The following PCNX1 variants were observed in gnomAD, a reference collection of about 807,000 sequenced individuals.
PCNX1 encodes pecanex-like protein 1.
In PCNX1, 78 loss-of-function variants were observed where a neutral mutation model predicts 242.2. That is an observed-to-expected ratio of 0.32 (90% CI 0.27 to 0.39). The LOEUF is 0.39. Ranked by LOEUF, PCNX1 falls within the 10% of genes least tolerant of loss-of-function variation. PCNX1 has a pLI of 1.00. For synonymous variants in PCNX1, 1,024 were observed against 1,032.9 expected (o/e 0.99, Z 0.17); for missense variants, 2,581 against 2,856.5 (o/e 0.90, Z 2.20).
In PCNX1 at chr14:71,009,695, A is replaced by T. The variant is rs113071833; in HGVS notation, c.2691A>T (p.Glu897Asp). ...GTGATATGTCACTTGTGAATTTTGA[A>T]CCAGCAGCAAGAAGAGCATCCAATA... ...GGCDMSLVNF[E>D]PAARRASNIC... The change falls in exon 9 of 36, where the codon GAA becomes GAT. Residue 897 changes from glutamate to aspartate, a missense_variant. This residue lies in a region of PCNX1 where 1,204 missense variants were observed against 1,216.7 expected (regional missense o/e 0.99). Transcript: ENST00000304743. 1 of 1,602,542 alleles carries T rather than the reference A, an allele frequency of 6.2e-7. No individual in the cohort carries two copies. The highest frequency in any genetic ancestry group is 8.5e-7 in the Non-Finnish European group (1 of 1,171,750).
At position 71,090,641 on chromosome 14, in the gene PCNX1, A is replaced by G. The variant is rs376777869; in HGVS notation, c.5589+1299A>G. 3.3e-5 allele frequency among the ~76,000 whole-genome samples: 5 copies of G among 152,228 alleles called. No homozygotes were observed. In the East Asian group the frequency reaches 7.7e-4, roughly 23 times the overall value. ...TTGAGACAAAATTCAGTGCATTTCAAAAAAAGGTAATTCTTCAGATTAAAA... is the reference window on the plus strand; with the variant it reads ...TTGAGACAAAATTCAGTGCATTTCAGAAAAAGGTAATTCTTCAGATTAAAA... On this transcript the variant is annotated intron_variant, in intron 30 of 35. Transcript: ENST00000304743.
intron 11 of PCNX1, among the ~76,000 whole-genome samples, chr14:71,015,766 A>G (rs1037510528): frequency 2.0e-5 from 3 of 152,254 alleles, no homozygotes; most frequent in Non-Finnish European, 4.4e-5. Context: ...AAGGTGGAAA[A>G]AGATCAAAGA....
At chr14:70,988,938 C>T (rs982843290) in intron 7 of PCNX1, among the ~76,000 whole-genome samples, 2 of 151,418 alleles carry the variant, frequency 1.3e-5, no homozygotes, top group Non-Finnish European at 2.9e-5. Flanking sequence ...AATTTTAAAT[C>T]ACTTGAGGGC....
chr14:70,995,946 C>T (rs1158675005), intron 8 of PCNX1, 21 bp downstream of exon 8: 3 of 1,584,580 alleles, frequency 1.9e-6, no homozygotes, highest in Admixed American at 3.3e-5. Flanking sequence ...CTTATGTAAT[C>T]TTGATGATAC....
chr14:71,097,701 T>A (rs1485487415), intron 30 of PCNX1, among the ~76,000 whole-genome samples: 2 of 152,206 alleles, frequency 1.3e-5, no homozygotes, highest in East Asian at 3.8e-4. Context: ...GATGCATAGT[T>A]TGTGAATAGT....
Position 71,088,252 on chromosome 14 carries a change from C to T in PCNX1, c.5338-78C>T, listed in dbSNP as rs150895257. 9.5e-5 allele frequency: 69 copies of T among 726,602 alleles called. No homozygotes were observed. In the East Asian group the frequency reaches 1.5e-3, roughly 16 times the overall value. The allele number at this position is 726,602 out of a possible 1,614,324, so 45.0% of individuals were successfully genotyped here. On this transcript the variant is annotated intron_variant, in intron 28 of 35. Transcript: ENST00000304743. ...GTACTCTTTGAATTCTTTATCATTT[C>T]GCTATATTATTTCGATTTATGATTT...
At chr14:71,105,490 G>A (rs1055012548) in intron 33 of PCNX1, 50 bp downstream of exon 33, 16 of 1,380,398 alleles carry the variant, frequency 1.2e-5, no homozygotes, top group Non-Finnish European at 1.5e-5. Context: ...TAGCCATAGA[G>A]GCTGGTTAGT....
Position 71,036,146 on chromosome 14 carries a change from A to C in PCNX1, c.3856A>C (p.Thr1286Pro), listed in dbSNP as rs1354256687. Residue 1286 changes from threonine to proline, a missense_variant, in exon 19 of 36, where the codon ACA (threonine) becomes CCA (proline). Transcript: ENST00000304743. ...TGCTATTCATGTAAGCACAGTCTTC[A>C]CAGTATTGCAGGTAAGGAATCATTT... The part of the protein sequence containing the change: ...YFAIHVSTVF[T>P]VLQPALKYVL... 1 of 1,583,450 alleles carries C rather than the reference A, an allele frequency of 6.3e-7. No individual in the cohort carries two copies. The highest frequency in any genetic ancestry group is 8.7e-7 in the Non-Finnish European group (1 of 1,152,108).
intron 1 of PCNX1, among the ~76,000 whole-genome samples, chr14:70,940,895 C>A (rs1017761279): frequency 1.3e-5 from 2 of 152,148 alleles, no homozygotes; most frequent in Admixed American, 1.3e-4. Flanking sequence ...CACTGATACC[C>A]TTTCTTCCAC....
intron 1 of PCNX1, among the ~76,000 whole-genome samples, chr14:70,915,581 A>T (rs1347615428): frequency 6.6e-6 from 1 of 152,172 alleles, no homozygotes; most frequent in Non-Finnish European, 1.5e-5. Context: ...TGGCTTTTTA[A>T]TAGCTCTGCA....
chr14:70,996,608 T>C (rs747884759), intron 8 of PCNX1, among the ~76,000 whole-genome samples: 2 of 152,184 alleles, frequency 1.3e-5, no homozygotes, highest in African/African-American at 4.8e-5. Flanking sequence ...TGATACTTTA[T>C]GTTACTTTGG....
At chr14:70,972,465 G>A (rs576349522) in intron 5 of PCNX1, among the ~76,000 whole-genome samples, 1 of 152,298 alleles carries the variant, frequency 6.6e-6, no homozygotes, top group African/African-American at 2.4e-5. Context: ...TTATTAAGTT[G>A]ATGAAGTATC....
chr14:71,110,217 T>G lies in PCNX1; in HGVS notation c.*282T>G, dbSNP rs981475675. On this transcript the variant is annotated 3_prime_UTR_variant, in exon 36 of 36. Transcript: ENST00000304743. ...TGTTAAAATACATCCTTAAAAAAAG[T>G]TTTTCCTATGCATTGCCTATGCTTT... 11 of 423,230 alleles carry G rather than the reference T, an allele frequency of 2.6e-5. No homozygotes were observed. Among genetic ancestry groups the G allele is most frequent in the Non-Finnish European group, 4.4e-5 (10 of 227,906 alleles). 26.2% of individuals were successfully genotyped at this position (423,230 alleles called of 1,614,324 possible). A position where few individuals can be genotyped will look rare whatever the true frequency, so the allele number is the denominator to read the frequency against.
chr14:71,103,763 T>C, intron 32 of PCNX1, 94 bp downstream of exon 32: 1 of 1,135,796 alleles, frequency 8.8e-7, no homozygotes, highest in South Asian at 1.4e-5. Flanking sequence ...TAGAAAAAAT[T>C]ACAGGTGCCA....
intron 12 of PCNX1, among the ~76,000 whole-genome samples, chr14:71,021,159 T>C (rs1023598642): frequency 1.3e-5 from 2 of 152,238 alleles, no homozygotes; most frequent in Non-Finnish European, 2.9e-5. Context: ...TTTTGGTTAC[T>C]GTAGCCTTGT....
intron 34 of PCNX1, 83 bp from the exon 35 acceptor site, chr14:71,109,369 G>C: frequency 8.0e-7 from 1 of 1,247,294 alleles, no homozygotes; most frequent in Non-Finnish European, 1.1e-6. Context: ...ATTCCTCTCT[G>C]TGAAAAGCAT....
At chr14:70,921,920 A>G (rs2056392908) in intron 1 of PCNX1, among the ~76,000 whole-genome samples, 1 of 152,166 alleles carries the variant, frequency 6.6e-6, no homozygotes, top group African/African-American at 2.4e-5. Context: ...CTATTGGTAC[A>G]TTTGGAGGGG....
Position 71,026,230 on chromosome 14 carries a change from A to T in PCNX1, c.3297A>T (p.Leu1099Phe). 1 of 1,612,238 alleles carries T rather than the reference A, an allele frequency of 6.2e-7. No homozygotes were observed. The highest frequency in any genetic ancestry group is 8.5e-7 in the Non-Finnish European group (1 of 1,178,936). ...SRNLTATKFK[L>F]YGITFTNPLV... ...ACCTGACTGCAACCAAGTTCAAATT[A>T]TATGGAATAACTTTCACCAATCCAC... is the stretch of plus-strand genomic sequence containing the variant. Residue 1099 changes from leucine (L) to phenylalanine (F), a missense_variant, in exon 14 of 36, where the codon TTA (leucine) becomes TTT (phenylalanine). Coordinates refer to ENST00000304743, the MANE Select transcript of PCNX1 (RefSeq NM_014982.3).
At chr14:70,957,843 TAG>T (rs55860498) in intron 2 of PCNX1, among the ~76,000 whole-genome samples, 37,460 of 150,588 alleles carry the variant, frequency 0.25, 5,938 homozygotes, top group Non-Finnish European at 0.35. Flanking sequence ...TGTATATATA[TAG>T]AGAGAGAGAG....
Sources: gnomAD v4.1 joint callset for allele counts (sites outside exome capture counted in the v4.1 genomes callset) on GRCh38, gnomAD v4.1.1 for gene constraint, gnomAD v4.1.1 regional missense constraint, MANE v1.5 for transcripts, NCBI Gene and HGNC (gene_info 2026-07-23, HGNC 2026-07-21) for gene names.